Variants in CD1E observed in about 807,000 individuals in gnomAD.
CD1E encodes T-cell surface glycoprotein CD1e, membrane-associated.
A neutral mutation model predicts 40.1 loss-of-function variants in CD1E; 49 were observed. That is an observed-to-expected ratio of 1.22 (90% confidence interval 0.97 to 1.55). The LOEUF (loss-of-function observed/expected upper bound fraction) is 1.55. CD1E is among the 40% of genes most tolerant of loss of function. The probability of loss-of-function intolerance (pLI) is 0.00; values close to 1 mark genes in which losing one functional copy is unlikely to be tolerated. For synonymous variants in CD1E, 189 were observed against 178.3 expected, an observed-to-expected ratio of 1.06 and a Z score of -0.48; for missense variants, 492 against 471.3, an observed-to-expected ratio of 1.04 and a Z score of -0.41.
At chr1:158,355,168 C>T in intron 2 of CD1E, 132 bp from the exon 3 acceptor site, 1 of 819,862 alleles carries the variant, frequency 1.2e-6, no homozygotes, top group South Asian at 1.7e-5. Flanking sequence ...TTCCCCTTTG[C>T]CAGTAAACTC....
At position 158,354,596 on chromosome 1, in the gene CD1E, TAC is replaced by T. The variant is rs907295601; in HGVS notation, c.280_281del (p.Gln94ValfsTer9). 5 of 1,614,010 alleles carry T rather than the reference TAC, an allele frequency of 3.1e-6. No homozygotes were observed. Among genetic ancestry groups the T allele is most frequent in the Non-Finnish European group, 4.2e-6 (5 of 1,180,024 alleles). On this transcript the variant is annotated frameshift_variant, in exon 2 of 6. Coordinates refer to ENST00000368167, the MANE Select transcript of CD1E (RefSeq NM_030893.4). LOFTEE classifies it high-confidence loss of function. The stretch of plus-strand genomic sequence containing the variant: ...TTCAGCAAGCAGGAGCTGAAAAACT[TAC>T]AGTCACTGTTCCAGTTATACTTCCA...
At chr1:158,356,419 C>A in intron 4 of CD1E, 79 bp from the exon 5 acceptor site, 1 of 1,175,652 alleles carries the variant, frequency 8.5e-7, no homozygotes, top group East Asian at 2.5e-5. Flanking sequence ...AGGAAGGTCC[C>A]ACCCTTGTGA....
chr1:158,357,060 C>T lies in CD1E; in HGVS notation c.*164C>T, dbSNP rs1270443644. On this transcript the variant is annotated 3_prime_UTR_variant, in exon 6 of 6. Transcript: ENST00000368167. ...TCTTCCAGAGATTTTTTTTTTCCTG[C>T]TTTGGCTACATATCCATCATTGTTT... The T allele has an allele frequency of 8.5e-6, 5 of 591,368 alleles. No individual in the cohort carries two copies. The Admixed American group carries it at 1.2e-4, about 14-fold the overall frequency. 36.6% of individuals were successfully genotyped at this position (591,368 alleles called of 1,614,324 possible). A position where few individuals can be genotyped will look rare whatever the true frequency, so the allele number is the denominator to read the frequency against.
At position 158,356,371 on chromosome 1, in the gene CD1E, T is replaced by C. The variant is rs186560044; in HGVS notation, c.905-127T>C. Reference sequence around the variant, plus strand: ...ATCACAGACAAAGGATCAGGAGGAATTGAAATGAGGGCTTTGGAAAACCCA... The same window carrying C: ...ATCACAGACAAAGGATCAGGAGGAACTGAAATGAGGGCTTTGGAAAACCCA... On this transcript the variant is annotated intron_variant, in intron 4 of 5. Coordinates refer to ENST00000368167, the MANE Select transcript of CD1E (RefSeq NM_030893.4). 3.8e-4 allele frequency: 321 copies of C among 845,830 alleles called. 1 individual carries two copies. The highest frequency in any genetic ancestry group is 2.6e-3 in the Admixed American group (95 of 36,194). The allele number at this position is 845,830 out of a possible 1,614,324, so 52.4% of individuals were successfully genotyped here.
At chr1:158,355,719 G>A (rs1653550398) in intron 3 of CD1E, 108 bp from the exon 4 acceptor site, 2 of 1,421,460 alleles carry the variant, frequency 1.4e-6, no homozygotes, top group East Asian at 5.0e-5. Flanking sequence ...AGAGAAAGAA[G>A]TGATTACTAA....
Position 158,356,542 on chromosome 1 carries a change from G to T in CD1E, c.949G>T (p.Val317Phe), listed in dbSNP as rs774050214. 1 of 1,613,876 alleles carries T rather than the reference G, an allele frequency of 6.2e-7. No homozygotes were observed. Among genetic ancestry groups the T allele is most frequent in the Non-Finnish European group, 8.5e-7 (1 of 1,179,868 alleles). ...FLILICLTVI[V>F]TLVILVVVDS... ...CATCCTGATCTGTTTGACTGTGATAGTTACCCTGGTCATATTGGTTGTAGT... is the reference window on the plus strand; with the variant it reads ...CATCCTGATCTGTTTGACTGTGATATTTACCCTGGTCATATTGGTTGTAGT... Residue 317 changes from valine (V) to phenylalanine (F), a missense_variant, in exon 5 of 6, where the codon GTT (valine) becomes TTT (phenylalanine). Transcript: ENST00000368167.
intron 4 of CD1E, 44 bp from the exon 5 acceptor site, chr1:158,356,454 A>AT (rs1365981414): frequency 7.1e-7 from 1 of 1,417,848 alleles, no homozygotes. Flanking sequence ...GCTTGGTGGA[A>AT]TAGAGTATTT....
Position 158,356,893 on chromosome 1 carries a change from G to T in CD1E, c.1164G>T (p.Trp388Cys). 6.2e-7 allele frequency: 1 copy of T among 1,613,566 alleles called. No individual in the cohort carries two copies. The highest frequency in any genetic ancestry group is 8.5e-7 in the Non-Finnish European group (1 of 1,179,672). The change falls in exon 6 of 6, where the codon TGG becomes TGT. Residue 388 changes from tryptophan to cysteine, a missense_variant. Trp to Cys is a radical substitution (Grantham distance 215). Transcript: ENST00000368167. ...GGAAGACACGCCTAAACCAACTCTG[G>T]TGACATTTGCTTTACCTTATACATA... ...KKWKTRLNQLW is the reference protein window; with the variant it reads ...KKWKTRLNQLC
chr1:158,355,183 C>T (rs1653465759), intron 2 of CD1E, 117 bp from the exon 3 acceptor site: 3 of 959,258 alleles, frequency 3.1e-6, no homozygotes, highest in Non-Finnish European at 4.7e-6. Context: ...AAACTCTAGT[C>T]TCCATATGAT....
In CD1E at chr1:158,355,148, ACAAATTTTCTTCCCC is replaced by A; in HGVS notation, c.356-151_356-137del. ...TTTATTATCTTCAAATTTTCTTCCC[ACAAATTTTCTTCCCC>A]TTTGCCAGTAAACTCTAGTCTCCAT... On this transcript the variant is annotated intron_variant, in intron 2 of 5. Coordinates refer to ENST00000368167, the MANE Select transcript of CD1E (RefSeq NM_030893.4). The A allele has an allele frequency of 6.2e-5, 24 of 387,874 alleles. 5 individuals are homozygous for A. In the African/African-American group the frequency reaches 6.8e-4, roughly 11 times the overall value. 24.0% of individuals were successfully genotyped at this position (387,874 alleles called of 1,614,324 possible).
intron 3 of CD1E, 68 bp downstream of exon 3, chr1:158,355,637 C>T (rs1653537421): frequency 2.0e-6 from 3 of 1,524,314 alleles, no homozygotes; most frequent in Non-Finnish European, 8.8e-7. Context: ...ATTTGCCTCT[C>T]ATCATCATTT....
rs1365821797 is a variant in CD1E, at chr1:158,355,736, CTT to C, written c.626-90_626-89del. 21 of 1,442,800 alleles carry C rather than the reference CTT, an allele frequency of 1.5e-5. No homozygotes were observed. In the East Asian group the frequency reaches 3.9e-4, roughly 27 times the overall value. The allele number at this position is 1,442,800 out of a possible 1,614,324, so 89.4% of individuals were successfully genotyped here. The stretch of plus-strand genomic sequence containing the variant: ...AGAAAGAAGTGATTACTAAATCACT[CTT>C]AGTATTATTACAAAGGCACCTGAGT... On this transcript the variant is annotated intron_variant, in intron 3 of 5. Transcript: ENST00000368167.
intron 3 of CD1E, 127 bp downstream of exon 3, chr1:158,355,696 T>C (rs1236397999): frequency 1.1e-5 from 15 of 1,422,134 alleles, no homozygotes; most frequent in Non-Finnish European, 1.4e-5. Flanking sequence ...GGTTCAGGAC[T>C]GTTTCTTAGA....
chr1:158,356,340 G>A (rs867183214), intron 4 of CD1E, 158 bp from the exon 5 acceptor site: 2 of 769,766 alleles, frequency 2.6e-6, no homozygotes, highest in South Asian at 3.8e-5. Context: ...AGAGGGTTGG[G>A]AGGAGATCAC....
At chr1:158,355,653 G>C in intron 3 of CD1E, 84 bp downstream of exon 3, 1 of 1,476,888 alleles carries the variant, frequency 6.8e-7, no homozygotes, top group African/African-American at 1.4e-5. Context: ...CATTTTGAAA[G>C]ACATAGTGAG....
In CD1E at chr1:158,355,897, CTCA is replaced by C; in HGVS notation, c.697_699del (p.Ser233del). 6.2e-7 allele frequency: 1 copy of C among 1,614,158 alleles called. No individual in the cohort carries two copies. Among genetic ancestry groups the C allele is most frequent in the East Asian group, 2.2e-5 (1 of 44,862 alleles). On this transcript the variant is annotated inframe_deletion, in exon 4 of 6. Coordinates refer to ENST00000368167, the MANE Select transcript of CD1E (RefSeq NM_030893.4). ...GCCGTCTGCAGCTTGTGTGCCATGT[CTCA>C]GGATTCTACCCAAAGCCCGTGTGGG...
chr1:158,355,811 A>C lies in CD1E; in HGVS notation c.626-16A>C. The C allele has an allele frequency of 6.3e-7, 1 of 1,593,298 alleles. No homozygotes were observed. Among genetic ancestry groups the C allele is most frequent in the South Asian group, 1.1e-5 (1 of 89,076 alleles). On this transcript the variant is annotated splice_polypyrimidine_tract_variant and intron_variant, in intron 3 of 5. Transcript: ENST00000368167. The stretch of plus-strand genomic sequence containing the variant: ...CCCTTCAAAATTCCATTTTTTTTCT[A>C]TCTTCTTCTTCCTAGTGAAGCCAGA...
In CD1E at chr1:158,356,765, C is replaced by G. The variant is rs1023690039; in HGVS notation, c.1036C>G (p.Pro346Ala). 2.5e-6 allele frequency: 4 copies of G among 1,613,938 alleles called. No individual in the cohort carries two copies. Among genetic ancestry groups the G allele is most frequent in the African/African-American group, 1.3e-5 (1 of 74,976 alleles). Reference sequence around the variant, plus strand: ...CATTCTTTCTCCCCACACACCCAGCCCTGTCTTTCTCATGGGAGCCAACAC... The same window carrying G: ...CATTCTTTCTCCCCACACACCCAGCGCTGTCTTTCTCATGGGAGCCAACAC... ...KNILSPHTPS[P>A]VFLMGANTQD... Residue 346 changes from proline to alanine, a missense_variant, in exon 6 of 6, where the codon CCT becomes GCT. Coordinates refer to ENST00000368167, the MANE Select transcript of CD1E (RefSeq NM_030893.4).
chr1:158,354,501 C>A lies in CD1E; in HGVS notation c.183C>A (p.Asp61Glu), dbSNP rs1253790095. The part of the protein sequence containing the change: ...AHSEGSGWLG[D>E]LQTHGWDTVL... The stretch of plus-strand genomic sequence containing the variant: ...GTGAGGGCTCAGGATGGCTGGGTGA[C>A]CTGCAGACTCATGGCTGGGACACTG... The change falls in exon 2 of 6, where the codon GAC (aspartate) becomes GAA (glutamate). Residue 61 changes from aspartate to glutamate, a missense_variant. Asp to Glu is a conservative substitution (Grantham distance 45, BLOSUM62 2). Coordinates refer to ENST00000368167, the MANE Select transcript of CD1E (RefSeq NM_030893.4). 3.1e-6 allele frequency: 5 copies of A among 1,614,130 alleles called. No homozygotes were observed. The highest frequency in any genetic ancestry group is 4.2e-6 in the Non-Finnish European group (5 of 1,180,022).
Sources: gnomAD v4.1 joint callset for allele counts on GRCh38, gnomAD v4.1.1 for gene constraint, MANE v1.5 for transcripts, NCBI Gene and HGNC (gene_info 2026-07-23, HGNC 2026-07-21) for gene names.